The following ARL15 variants were observed in gnomAD, a reference collection of about 807,000 sequenced individuals.
ARL15 encodes ARF like GTPase 15.
Under a neutral mutation model 25.2 loss-of-function variants are expected in ARL15, and 19 were observed. The ratio of observed to expected loss-of-function variants is 0.75; its 90% confidence interval spans 0.53 to 1.10. ARL15 has a LOEUF of 1.10. Among genes scored for constraint, ARL15 ranks in the 50% least tolerant of loss-of-function variants. The pLI, the probability that ARL15 is intolerant of heterozygous loss-of-function variation, is 0.00. For missense variants in ARL15, 220 were observed against 246.0 expected (o/e 0.89, Z 0.71); for synonymous variants, 94 against 86.8 (o/e 1.08, Z -0.46).
chr5:54,045,167 T>G (rs535287807), intron 4 of ARL15, among the ~76,000 whole-genome samples: 1 of 152,264 alleles, frequency 6.6e-6, no homozygotes, highest in South Asian at 2.1e-4. Context: ...ATACCAGTAT[T>G]ATAAAGTAGT....
chr5:53,955,976 G>A (rs1216300108), intron 4 of ARL15, among the ~76,000 whole-genome samples: 1 of 152,096 alleles, frequency 6.6e-6, no homozygotes, highest in African/African-American at 2.4e-5. Flanking sequence ...GAAAAGAAAA[G>A]CTGGAGAGAG....
chr5:54,207,859 C>T (rs1007980097), intron 1 of ARL15, among the ~76,000 whole-genome samples: 1 of 152,200 alleles, frequency 6.6e-6, no homozygotes, highest in Admixed American at 6.5e-5. Flanking sequence ...GTTCTAGATC[C>T]TCTCTCCGAT....
Position 54,113,396 on chromosome 5 carries a change from G to A in ARL15, c.268C>T (p.Arg90Trp), listed in dbSNP as rs374674965. 31 of 1,613,488 alleles carry A rather than the reference G, an allele frequency of 1.9e-5. No homozygotes were observed. Among genetic ancestry groups the A allele is most frequent in the Middle Eastern group, 1.6e-4 (1 of 6,082 alleles). The change falls in exon 4 of 5, where the codon CGG (arginine) becomes TGG (tryptophan). Residue 90 changes from arginine (R) to tryptophan (W), a missense_variant. By Grantham distance (101) the Arg-to-Trp change is moderately radical (BLOSUM62 -3). Coordinates refer to ENST00000504924, the MANE Select transcript of ARL15 (RefSeq NM_019087.3). ...TGGTAGTAGCGGCTCCAGTATTTCC[G>A]GATGTTATCAGCCCCTGTCAAAAAC... ...VKELGGADNIRKYWSRYYQGS... is the reference protein window; with the variant it reads ...VKELGGADNIWKYWSRYYQGS...
intron 4 of ARL15, among the ~76,000 whole-genome samples, chr5:54,029,602 T>C (rs2111886905): frequency 6.6e-6 from 1 of 152,324 alleles, no homozygotes; most frequent in East Asian, 1.9e-4. Context: ...CTCTTGCCTG[T>C]AATCTTAGAA....
chr5:53,939,470 C>T (rs187954329), intron 4 of ARL15, among the ~76,000 whole-genome samples: 98 of 152,312 alleles, frequency 6.4e-4, no homozygotes, highest in African/African-American at 2.1e-3. Flanking sequence ...GGCGCGATGG[C>T]TCACGCCTAT....
At chr5:54,093,880 C>T (rs544314035) in intron 4 of ARL15, among the ~76,000 whole-genome samples, 14 of 152,262 alleles carry the variant, frequency 9.2e-5, no homozygotes, top group African/African-American at 3.4e-4. Context: ...CAAGGATCTG[C>T]TATAAAAACA....
chr5:53,917,346 A>T (rs551862102), intron 4 of ARL15, among the ~76,000 whole-genome samples: 8 of 152,212 alleles, frequency 5.3e-5, no homozygotes, highest in Non-Finnish European at 1.2e-4. Flanking sequence ...CCATTGGCTC[A>T]AGCCTGGATG....
intron 1 of ARL15, among the ~76,000 whole-genome samples, chr5:54,208,214 C>G (rs1279482325): frequency 6.6e-6 from 1 of 152,142 alleles, no homozygotes; most frequent in Non-Finnish European, 1.5e-5. Flanking sequence ...AAATCTCACT[C>G]TTGCACACAG....
In ARL15 at chr5:54,246,901, G is replaced by A. The variant is rs546221834; in HGVS notation, c.48+63531C>T. Among the ~76,000 whole-genome samples the A allele has an allele frequency of 9.9e-5, 15 of 151,958 alleles. 1 individual carries two copies. The South Asian group carries it at 3.1e-3, about 32-fold the overall frequency. ...TGTGGTATTAAAATGTCATAAGGGAGAGGGTGATTAAGAAAAAAATGTCTA... is the reference window on the plus strand; with the variant it reads ...TGTGGTATTAAAATGTCATAAGGGAAAGGGTGATTAAGAAAAAAATGTCTA... On this transcript the variant is annotated intron_variant, in intron 1 of 4. Transcript: ENST00000504924.
intron 4 of ARL15, among the ~76,000 whole-genome samples, chr5:53,955,079 C>T (rs1561164350): frequency 2.0e-5 from 3 of 150,546 alleles, no homozygotes; most frequent in Non-Finnish European, 2.9e-5. Context: ...AAACATTTAT[C>T]GAGCACATTT....
chr5:54,300,834 CA>C (rs1417298663), intron 1 of ARL15, among the ~76,000 whole-genome samples: 1 of 152,204 alleles, frequency 6.6e-6, no homozygotes, highest in Non-Finnish European at 1.5e-5. Context: ...GCACTGCAGA[CA>C]GATCTGACCA....
intron 2 of ARL15, among the ~76,000 whole-genome samples, chr5:54,162,966 A>G (rs1345074532): frequency 6.6e-6 from 1 of 152,162 alleles, no homozygotes; most frequent in African/African-American, 2.4e-5. Flanking sequence ...ACAGACATCC[A>G]TGTCTTATTC....
chr5:53,957,242 C>T (rs925054470), intron 4 of ARL15, among the ~76,000 whole-genome samples: 2 of 151,874 alleles, frequency 1.3e-5, no homozygotes, highest in Admixed American at 6.6e-5. Flanking sequence ...TAGAAGTGAG[C>T]TTCAATAAGA....
Position 54,164,855 on chromosome 5 carries a change from T to C in ARL15, c.193+6929A>G, listed in dbSNP as rs180922964. On this transcript the variant is annotated intron_variant, in intron 2 of 4. Coordinates refer to ENST00000504924, the MANE Select transcript of ARL15 (RefSeq NM_019087.3). The stretch of plus-strand genomic sequence containing the variant: ...TTAATTAAGGAGTCTAGATCATTTA[T>C]ATTTAATATTATTATTGATGTTTAG... Among the ~76,000 whole-genome samples, 224 of 152,142 alleles carry C rather than the reference T, an allele frequency of 1.5e-3. 2 individuals are homozygous for C. The highest frequency in any genetic ancestry group is 7.8e-3 in the Admixed American group (119 of 15,276).
chr5:54,081,476 G>T (rs754174109), intron 4 of ARL15, among the ~76,000 whole-genome samples: 1 of 152,052 alleles, frequency 6.6e-6, no homozygotes, highest in Non-Finnish European at 1.5e-5. Flanking sequence ...CCCCACCCAA[G>T]TCTTATCTTG....
chr5:54,157,977 A>G (rs1414744567), intron 2 of ARL15, among the ~76,000 whole-genome samples: 1 of 152,204 alleles, frequency 6.6e-6, no homozygotes, highest in Admixed American at 6.5e-5. Flanking sequence ...CATTCTAAAC[A>G]TTTGAAAGGA....
rs531133316 is a variant in ARL15 at position 54,011,439 on chromosome 5, T to C, written c.462+101763A>G. 3.3e-4 allele frequency among the ~76,000 whole-genome samples: 50 copies of C among 152,340 alleles called. 2 individuals carry two copies. In the South Asian group the frequency reaches 0.01, roughly 31 times the overall value. Reference sequence around the variant, plus strand: ...TGGTTTTTTGTTGTTGTTGTTGTTTTGTTTTTTGTTTGTTTTTAAATAAAT... The same window carrying C: ...TGGTTTTTTGTTGTTGTTGTTGTTTCGTTTTTTGTTTGTTTTTAAATAAAT... On this transcript the variant is annotated intron_variant, in intron 4 of 4. Transcript: ENST00000504924.
intron 4 of ARL15, among the ~76,000 whole-genome samples, chr5:54,035,664 ATG>A (rs1750144567): frequency 6.6e-6 from 1 of 152,226 alleles, no homozygotes; most frequent in East Asian, 1.9e-4. Context: ...TCTTAAGATA[ATG>A]TAATGATAAA....
intron 4 of ARL15, among the ~76,000 whole-genome samples, chr5:54,094,160 T>A (rs987069708): frequency 2.6e-5 from 4 of 152,160 alleles, no homozygotes; most frequent in African/African-American, 9.7e-5. Flanking sequence ...TCATACCAGT[T>A]CATTTTGATA....
Sources: allele counts gnomAD v4.1 joint callset (sites outside exome capture counted in the v4.1 genomes callset), GRCh38; gene constraint gnomAD v4.1.1; transcripts MANE v1.5; gene names NCBI Gene and HGNC (gene_info 2026-07-23, HGNC 2026-07-21).